The following SYNE2 variants were observed in gnomAD, a reference collection of about 807,000 sequenced individuals.
SYNE2 encodes spectrin repeat containing nuclear envelope protein 2.
SYNE2 carries 431 observed loss-of-function variants against 856.3 expected under a neutral mutation model. The observed-to-expected ratio is 0.50, with a 90% confidence interval of 0.47 to 0.55. The LOEUF (loss-of-function observed/expected upper bound fraction) is 0.55, where lower values mean the gene tolerates loss of function less well. SYNE2 is among the 20% of genes least tolerant of loss of function. The pLI, the probability that SYNE2 is intolerant of heterozygous loss-of-function variation, is 0.00. For missense variants in SYNE2, 8,129 were observed against 8,023.2 expected, an observed-to-expected ratio of 1.01 and a Z score of -0.50; for synonymous variants, 2,923 against 2,872.3, an observed-to-expected ratio of 1.02 and a Z score of -0.56.
At chr14:63,814,689 CAT>C (rs1349384388) in intron 1 of SYNE2, among the ~76,000 whole-genome samples, 15 of 88,876 alleles carry the variant, frequency 1.7e-4, no homozygotes, top group East Asian at 5.7e-4. Flanking sequence ...CATATATATC[CAT>C]ATATATATCC....
At chr14:63,849,265 CTTTTTT>C (rs35001530), upstream of SYNE2, among the ~76,000 whole-genome samples, 2,012 of 127,114 alleles carry the variant, frequency 0.016, 37 homozygotes, top group African/African-American at 0.054. Flanking sequence ...AGTTAATCTC[CTTTTTT>C]TTTTTTTTTT....
intron 16 of SYNE2, 65 bp downstream of exon 16, chr14:63,981,238 T>C (rs1435752296): frequency 2.2e-6 from 3 of 1,369,580 alleles, no homozygotes; most frequent in Non-Finnish European, 2.1e-6. Context: ...GTGACCCTCA[T>C]TTTCAATCCA....
rs904216702 is a variant in SYNE2, at chr14:64,126,798, C to T, written c.13908C>T (p.Arg4636=). ...TGAAAGCTGGCCTCGATTACAACCG[C>T]AGTTACCAGGTATGATTCCGAGCAC... is the stretch of plus-strand genomic sequence containing the variant. ...KSLKAGLDYN[R]SYQNEIKRLY... is the part of the protein sequence containing the mutation. The change falls in exon 73 of 116, where the codon CGC becomes CGT. Residue 4636 remains arginine, a synonymous_variant. Coordinates refer to ENST00000555002, the MANE Select transcript of SYNE2 (RefSeq NM_182914.3). 1 of 1,611,358 alleles carries T rather than the reference C, an allele frequency of 6.2e-7. No individual in the cohort carries two copies. Among genetic ancestry groups the T allele is most frequent in the African/African-American group, 1.3e-5 (1 of 74,930 alleles).
chr14:64,098,255 A>G, intron 62 of SYNE2, 109 bp downstream of exon 62: 1 of 1,226,436 alleles, frequency 8.2e-7, no homozygotes. Flanking sequence ...CCTGTAGTAA[A>G]GGAATTTTTT....
chr14:63,842,559 C>G (rs1252185045), intron 1 of SYNE2, among the ~76,000 whole-genome samples: 1 of 151,792 alleles, frequency 6.6e-6, no homozygotes, highest in Non-Finnish European at 1.5e-5. Context: ...CTCCCGGGTT[C>G]AAGTGATTCT....
Position 64,026,574 on chromosome 14 carries a change from T to A in SYNE2, c.6253-5T>A, listed in dbSNP as rs770835099. 4.3e-6 allele frequency: 7 copies of A among 1,610,644 alleles called. No homozygotes were observed. The South Asian group carries it at 6.6e-5, about 15-fold the overall frequency. On this transcript the variant is annotated splice_region_variant and splice_polypyrimidine_tract_variant and intron_variant, in intron 41 of 115. Coordinates refer to ENST00000555002, the MANE Select transcript of SYNE2 (RefSeq NM_182914.3). ...ACATTATAAAATCTCTTTTATTTAA[T>A]TCAGGAAATCATTTTGCTGAAGCCT...
At chr14:64,167,670 C>T (rs748072472) in intron 92 of SYNE2, 31 bp downstream of exon 92, 20 of 1,613,888 alleles carry the variant, frequency 1.2e-5, no homozygotes, top group South Asian at 9.9e-5. Context: ...ACCCTTGAAC[C>T]GCTCATCTGG....
At chr14:64,114,598 C>T (rs779834103) in intron 66 of SYNE2, among the ~76,000 whole-genome samples, 29 of 151,834 alleles carry the variant, frequency 1.9e-4, no homozygotes, top group Non-Finnish European at 3.1e-4. Flanking sequence ...CTGTGCATCT[C>T]GGCACCTCTG....
At chr14:63,790,990 C>T (rs911084845) in intron 1 of SYNE2, among the ~76,000 whole-genome samples, 10 of 151,736 alleles carry the variant, frequency 6.6e-5, no homozygotes, top group African/African-American at 1.9e-4. Context: ...GACAGAGTCT[C>T]GCTGTCGCCC....
At chr14:63,823,081 G>C (rs1210484900) in intron 1 of SYNE2, among the ~76,000 whole-genome samples, 1 of 152,112 alleles carries the variant, frequency 6.6e-6, no homozygotes, top group Non-Finnish European at 1.5e-5. Flanking sequence ...TCCAGCCAGG[G>C]AGGCAGAGCG....
chr14:64,144,895 G>T (rs2098168592), intron 83 of SYNE2, among the ~76,000 whole-genome samples: 2 of 142,114 alleles, frequency 1.4e-5, no homozygotes, highest in African/African-American at 2.6e-5. Context: ...GAATTATACT[G>T]TATTAATTTG....
At chr14:63,967,669 T>A (rs1018708177) in intron 10 of SYNE2, 40 bp from the exon 11 acceptor site, 27 of 1,598,236 alleles carry the variant, frequency 1.7e-5, no homozygotes, top group Non-Finnish European at 2.3e-5. Context: ...ATAAATGGAA[T>A]TAAACATTTT....
intron 30 of SYNE2, among the ~76,000 whole-genome samples, chr14:64,006,148 G>T: frequency 6.6e-6 from 1 of 152,164 alleles, no homozygotes; most frequent in East Asian, 1.9e-4. Flanking sequence ...AAAATTGGAG[G>T]CTAGGAAGTA....
chr14:64,013,270 T>C (rs1311127270), intron 32 of SYNE2, among the ~76,000 whole-genome samples: 1 of 152,216 alleles, frequency 6.6e-6, no homozygotes, highest in Non-Finnish European at 1.5e-5. Context: ...AAATGAAAAT[T>C]TTTAAATTTA....
At position 64,175,052 on chromosome 14, in the gene SYNE2, A is replaced by G; in HGVS notation, c.17344A>G (p.Arg5782Gly). The change falls in exon 95 of 116, where the codon AGG becomes GGG. Residue 5782 changes from arginine (R) to glycine (G), a missense_variant. Physicochemically the swap from Arg to Gly is moderately radical, Grantham distance 125. Around this residue, in one of 3 missense-constraint regions of SYNE2, gnomAD observed 5,410 missense variants for 5,284.8 expected, o/e 1.02. Transcript: ENST00000555002. Reference protein sequence around the residue: ...TDLKTKESVGRRISQLQDSWK... With the variant: ...TDLKTKESVGGRISQLQDSWK... Reference sequence around the variant, plus strand: ...CCTGAAAACTAAAGAGTCTGTGGGTAGGAGAATCAGTCAACTTCAGGACAG... The same window carrying G: ...CCTGAAAACTAAAGAGTCTGTGGGTGGGAGAATCAGTCAACTTCAGGACAG... 6.2e-7 allele frequency: 1 copy of G among 1,614,186 alleles called. No individual in the cohort carries two copies. The highest frequency in any genetic ancestry group is 8.5e-7 in the Non-Finnish European group (1 of 1,180,018).
intron 1 of SYNE2, among the ~76,000 whole-genome samples, chr14:63,842,474 T>A (rs76123406): frequency 3.3e-5 from 5 of 151,244 alleles, no homozygotes; most frequent in Admixed American, 2.6e-4. Context: ...TTTTTTTTTT[T>A]ATTGATACAG....
chr14:64,102,251 G>T (rs2097736871), intron 64 of SYNE2, among the ~76,000 whole-genome samples: 1 of 152,076 alleles, frequency 6.6e-6, no homozygotes, highest in South Asian at 2.1e-4. Context: ...CAAGTAGCTG[G>T]GATTACAGGC....
At chr14:63,897,992 A>AT (rs1465931106) in intron 1 of SYNE2, among the ~76,000 whole-genome samples, 1 of 152,222 alleles carries the variant, frequency 6.6e-6, no homozygotes, top group African/African-American at 2.4e-5. Flanking sequence ...AGTTTCTGAG[A>AT]TCCCAAATTG....
intron 45 of SYNE2, among the ~76,000 whole-genome samples, chr14:64,046,203 G>T (rs562481511): frequency 6.6e-6 from 1 of 152,318 alleles, no homozygotes; most frequent in South Asian, 2.1e-4. Context: ...GCAAGTGAAT[G>T]CAGATGCATT....
Sources: gnomAD v4.1 joint callset for allele counts (sites outside exome capture counted in the v4.1 genomes callset) on GRCh38, gnomAD v4.1.1 for gene constraint, gnomAD v4.1.1 regional missense constraint, MANE v1.5 for transcripts, NCBI Gene and HGNC (gene_info 2026-07-23, HGNC 2026-07-21) for gene names.